DEFB118: variants seen among roughly 807,000 people sequenced by gnomAD.
The protein encoded by DEFB118 is defensin, beta 18.
In DEFB118, 3 loss-of-function variants were observed where a neutral mutation model predicts 2.8. The observed-to-expected ratio is 1.09, with a 90% CI of 0.50 to 2.82. The LOEUF (loss-of-function observed/expected upper bound fraction) is 2.82. DEFB118 is among the 30% of genes most tolerant of loss of function. DEFB118 has a pLI of 0.04. For missense variants in DEFB118, 159 were observed against 144.6 expected (o/e 1.10, Z -0.51); for synonymous variants, 63 against 53.5 (o/e 1.18, Z -0.78).
intron 1 of DEFB118, among the ~76,000 whole-genome samples, chr20:31,371,211 A>G (rs950398261): frequency 1.1e-4 from 17 of 152,018 alleles, no homozygotes; most frequent in African/African-American, 4.1e-4. Context: ...TCCTGCCTCT[A>G]AGCCTTTGCA....
rs569243788 is a variant in DEFB118 at position 31,373,247 on chromosome 20, C to G, written c.*77C>G. The G allele has an allele frequency of 6.9e-6, 9 of 1,298,144 alleles. No individual in the cohort carries two copies. In the Admixed American group the frequency reaches 8.2e-5, roughly 12 times the overall value. 80.4% of individuals were successfully genotyped at this position (1,298,144 alleles called of 1,614,324 possible). A position where few individuals can be genotyped will look rare whatever the true frequency, so the allele number is the denominator to read the frequency against. ...CATACAGATAAAGCACTGAAAACACCACAGTGACCCTCCCACCCCCCACCA... is the reference window on the plus strand; with the variant it reads ...CATACAGATAAAGCACTGAAAACACGACAGTGACCCTCCCACCCCCCACCA... On this transcript the variant is annotated 3_prime_UTR_variant, in exon 2 of 2. Coordinates refer to ENST00000253381, the MANE Select transcript of DEFB118 (RefSeq NM_054112.3).
rs1272163013 is a variant in DEFB118, at chr20:31,373,399, T to G, written c.*229T>G. ...TTTCCACAACAAGTTATAACCTATTTTTAGTATTTCTTGTTTGCTAGTGAC... is the reference window on the plus strand; with the variant it reads ...TTTCCACAACAAGTTATAACCTATTGTTAGTATTTCTTGTTTGCTAGTGAC... On this transcript the variant is annotated 3_prime_UTR_variant, in exon 2 of 2. Transcript: ENST00000253381. 1.8e-6 allele frequency: 1 copy of G among 540,610 alleles called. No homozygotes were observed. Among genetic ancestry groups the G allele is most frequent in the East Asian group, 2.9e-5 (1 of 34,192 alleles). The allele number at this position is 540,610 out of a possible 1,614,324, so 33.5% of individuals were successfully genotyped here. A position where few individuals can be genotyped will look rare whatever the true frequency, so the allele number is the denominator to read the frequency against.
intron 1 of DEFB118, 103 bp downstream of exon 1, chr20:31,368,811 G>A: frequency 1.8e-6 from 2 of 1,102,054 alleles, no homozygotes; most frequent in South Asian, 2.5e-5. Context: ...CAGCTCCACA[G>A]TTCCCACACT....
chr20:31,368,803 G>C (rs1986162648), intron 1 of DEFB118, 95 bp downstream of exon 1: 1 of 1,199,754 alleles, frequency 8.3e-7, no homozygotes, highest in African/African-American at 1.5e-5. Flanking sequence ...AACATGGGCA[G>C]CTCCACAGTT....
chr20:31,370,073 G>A (rs1439069564), intron 1 of DEFB118, among the ~76,000 whole-genome samples: 1 of 152,026 alleles, frequency 6.6e-6, no homozygotes, highest in Non-Finnish European at 1.5e-5. Context: ...TGCACACAGC[G>A]TTCTGAACGC....
At chr20:31,371,556 C>T (rs924756732) in intron 1 of DEFB118, among the ~76,000 whole-genome samples, 5 of 152,126 alleles carry the variant, frequency 3.3e-5, no homozygotes, top group East Asian at 1.9e-4. Context: ...CTGCAGCCTC[C>T]GTCTCCCAGG....
At chr20:31,372,724 G>A (rs1986232759) in intron 1 of DEFB118, 133 bp from the exon 2 acceptor site, 1 of 681,732 alleles carries the variant, frequency 1.5e-6, no homozygotes, top group Admixed American at 2.8e-5. Flanking sequence ...TGCCAGACCT[G>A]AGGTGGGAGT....
chr20:31,370,181 G>A (rs1986190624), intron 1 of DEFB118, among the ~76,000 whole-genome samples: 1 of 152,102 alleles, frequency 6.6e-6, no homozygotes, highest in South Asian at 2.1e-4. Context: ...CTATGCTTGT[G>A]TTCCTACCCC....
Position 31,373,220 on chromosome 20 carries a change from C to A in DEFB118, c.*50C>A, listed in dbSNP as rs182368086. 245 of 1,545,234 alleles carry A rather than the reference C, an allele frequency of 1.6e-4. No individual in the cohort carries two copies. The African/African-American group carries it at 3.2e-3, about 20-fold the overall frequency. On this transcript the variant is annotated 3_prime_UTR_variant, in exon 2 of 2. Coordinates refer to ENST00000253381, the MANE Select transcript of DEFB118 (RefSeq NM_054112.3). ...CTGTCCTCAGAGTGATAAACTAAGT[C>A]ACATACAGATAAAGCACTGAAAACA...
At chr20:31,368,774 A>G (rs1247160930) in intron 1 of DEFB118, 66 bp downstream of exon 1, 26 of 1,472,282 alleles carry the variant, frequency 1.8e-5, no homozygotes, top group Admixed American at 6.8e-5. Flanking sequence ...GAAAATTCCA[A>G]TGTGTCACGG....
intron 1 of DEFB118, 32 bp downstream of exon 1, chr20:31,368,740 G>A: frequency 6.2e-7 from 1 of 1,601,882 alleles, no homozygotes; most frequent in East Asian, 2.2e-5. Context: ...TACAAAAATA[G>A]AGGTATAGTG....
chr20:31,371,427 TA>T (rs34207787), intron 1 of DEFB118, among the ~76,000 whole-genome samples: 1 of 152,218 alleles, frequency 6.6e-6, no homozygotes, highest in Non-Finnish European at 1.5e-5. Flanking sequence ...GTATCCCACA[TA>T]AAGTATGTTT....
rs1340418554 is a variant in DEFB118 at position 31,373,155 on chromosome 20, T to C, written c.357T>C (p.Val119=). The part of the protein sequence containing the change: ...GRGTETSLPN[V]HHSS The stretch of plus-strand genomic sequence containing the variant: ...GAACTGAGACCTCTCTTCCAAATGT[T>C]CACCATAGCTCATGACTTCCTCTCG... Residue 119 remains valine (V), a synonymous_variant, in exon 2 of 2, where the codon GTT becomes GTC. Coordinates refer to ENST00000253381, the MANE Select transcript of DEFB118 (RefSeq NM_054112.3). 1.2e-6 allele frequency: 2 copies of C among 1,613,122 alleles called. No homozygotes were observed. Among genetic ancestry groups the C allele is most frequent in the East Asian group, 4.5e-5 (2 of 44,870 alleles).
intron 1 of DEFB118, among the ~76,000 whole-genome samples, chr20:31,371,013 G>A (rs751698108): frequency 6.6e-6 from 1 of 151,994 alleles, no homozygotes; most frequent in East Asian, 1.9e-4. Flanking sequence ...AGCCTCCCTC[G>A]TGCTGTTGTT....
In DEFB118 at chr20:31,372,860, A is replaced by C; in HGVS notation, c.62A>C (p.Tyr21Ser). Residue 21 changes from tyrosine to serine, a missense_variant, in exon 2 of 2, where the codon TAT becomes TCT. By Grantham distance (144) the Tyr-to-Ser change is moderately radical. Coordinates refer to ENST00000253381, the MANE Select transcript of DEFB118 (RefSeq NM_054112.3). ...GGTCTTTCCTTTTATTATTCAGCCT[A>C]TAGTGGTGAAAAAAAATGCTGGAAC... ...LVLLPQVIPA[Y>S]SGEKKCWNRS... 6.2e-7 allele frequency: 1 copy of C among 1,613,434 alleles called. No individual in the cohort carries two copies. The highest frequency in any genetic ancestry group is 8.5e-7 in the Non-Finnish European group (1 of 1,179,538).
Position 31,373,027 on chromosome 20 carries a change from A to G in DEFB118, c.229A>G (p.Thr77Ala). ...ATCTCCCACACCCTTGAGTGACTCA[A>G]CACCAGGAATTATTGATGATATTTT... is the stretch of plus-strand genomic sequence containing the variant. ...ATSPTPLSDS[T>A]PGIIDDILTV... The change falls in exon 2 of 2, where the codon ACA (threonine) becomes GCA (alanine). Residue 77 changes from threonine to alanine, a missense_variant. Physicochemically the swap from Thr to Ala is moderately conservative, Grantham distance 58. Coordinates refer to ENST00000253381, the MANE Select transcript of DEFB118 (RefSeq NM_054112.3). 1 of 1,614,094 alleles carries G rather than the reference A, an allele frequency of 6.2e-7. No individual in the cohort carries two copies. Among genetic ancestry groups the G allele is most frequent in the Non-Finnish European group, 8.5e-7 (1 of 1,180,046 alleles).
intron 1 of DEFB118, 24 bp downstream of exon 1, chr20:31,368,732 C>CA (rs1568724271): frequency 1.2e-6 from 2 of 1,609,364 alleles, no homozygotes; most frequent in Admixed American, 3.3e-5. Context: ...AGGGAAGATA[C>CA]AAAAATAGAG....
At chr20:31,372,735 C>T in intron 1 of DEFB118, 122 bp from the exon 2 acceptor site, 1 of 751,996 alleles carries the variant, frequency 1.3e-6, no homozygotes, top group Non-Finnish European at 2.2e-6. Context: ...AGGTGGGAGT[C>T]TTGCAGCTGT....
intron 1 of DEFB118, among the ~76,000 whole-genome samples, chr20:31,371,807 C>A (rs193131137): frequency 6.6e-6 from 1 of 152,130 alleles, no homozygotes; most frequent in East Asian, 1.9e-4. Context: ...GTACATTATA[C>A]CCAATAGGTA....
Sources: allele counts gnomAD v4.1 joint callset (sites outside exome capture counted in the v4.1 genomes callset), GRCh38; gene constraint gnomAD v4.1.1; transcripts MANE v1.5; gene names NCBI Gene and HGNC (gene_info 2026-07-23, HGNC 2026-07-21).